CSMD3: variants seen among roughly 807,000 people sequenced by gnomAD.
CSMD3 encodes CUB and Sushi multiple domains 3.
CSMD3 carries 177 observed loss-of-function variants against 435.2 expected under a neutral mutation model. That is an observed-to-expected ratio of 0.41 (90% CI 0.36 to 0.46). The LOEUF (loss-of-function observed/expected upper bound fraction) is 0.46. Ranked by LOEUF, CSMD3 falls within the 20% of genes least tolerant of loss-of-function variation. The probability of loss-of-function intolerance (pLI) is 0.34; values close to 1 mark genes in which losing one functional copy is unlikely to be tolerated. For missense variants in CSMD3, 4,265 were observed against 4,504.6 expected (o/e 0.95, Z 1.52); for synonymous variants, 1,656 against 1,520.5 (o/e 1.09, Z -2.07).
At chr8:113,351,700 T>TTGCTA (rs2094191546) in intron 1 of CSMD3, among the ~76,000 whole-genome samples, 1 of 152,134 alleles carries the variant, frequency 6.6e-6, no homozygotes, top group Non-Finnish European at 1.5e-5. Context: ...TTGCAGATAT[T>TTGCTA]ATCTAGTTTA....
rs1296619138 is a variant in CSMD3 at position 112,231,095 on chromosome 8, C to T, written c.10828+450G>A. On this transcript the variant is annotated intron_variant, in intron 69 of 70. Coordinates refer to ENST00000297405, the MANE Select transcript of CSMD3 (RefSeq NM_198123.2). ...AGAGAACCAAGTCCCCAAAAGGGGC[C>T]CATTCCTCAAAGTTATTTTCTCTTT... 2.0e-5 allele frequency among the ~76,000 whole-genome samples: 3 copies of T among 152,250 alleles called. No individual in the cohort carries two copies. In the East Asian group the frequency reaches 5.8e-4, roughly 29 times the overall value.
At chr8:112,866,084 G>C (rs1407121103) in intron 10 of CSMD3, among the ~76,000 whole-genome samples, 1 of 152,150 alleles carries the variant, frequency 6.6e-6, no homozygotes, top group Non-Finnish European at 1.5e-5. Flanking sequence ...TAGGGTTGTT[G>C]AAAGATTTCT....
At chr8:112,373,169 T>C (rs1828603887) in intron 38 of CSMD3, among the ~76,000 whole-genome samples, 1 of 152,022 alleles carries the variant, frequency 6.6e-6, no homozygotes, top group South Asian at 2.1e-4. Context: ...AGGAATATAG[T>C]AAGAGTCTAC....
Position 113,386,147 on chromosome 8 carries a change from T to C in CSMD3, c.178+50530A>G, listed in dbSNP as rs552580447. ...AATGTTTTGGAAAAGCCCAAATATA[T>C]GGAAATGCAGGAGAAGATGTGCCAG... is the stretch of plus-strand genomic sequence containing the variant. On this transcript the variant is annotated intron_variant, in intron 1 of 70. Coordinates refer to ENST00000297405, the MANE Select transcript of CSMD3 (RefSeq NM_198123.2). Among the ~76,000 whole-genome samples the C allele has an allele frequency of 2.0e-5, 3 of 152,132 alleles. No individual in the cohort carries two copies. In the East Asian group the frequency reaches 5.8e-4, roughly 29 times the overall value.
chr8:113,000,269 G>T (rs1164013110), intron 6 of CSMD3, among the ~76,000 whole-genome samples: 1 of 151,958 alleles, frequency 6.6e-6, no homozygotes. Flanking sequence ...AAATCATAGG[G>T]GTGAAAATGG....
intron 1 of CSMD3, among the ~76,000 whole-genome samples, chr8:113,385,816 A>C (rs775514121): frequency 2.0e-5 from 3 of 152,068 alleles, no homozygotes; most frequent in Non-Finnish European, 4.4e-5. Flanking sequence ...AGAAATTGGA[A>C]AACACTAAGA....
chr8:112,365,591 T>G (rs1047317360), intron 38 of CSMD3, among the ~76,000 whole-genome samples: 3 of 150,072 alleles, frequency 2.0e-5, no homozygotes, highest in African/African-American at 4.9e-5. Flanking sequence ...AATTCCCCTA[T>G]CAGAGCAACA....
chr8:113,160,179 TG>T (rs751681196), intron 4 of CSMD3, among the ~76,000 whole-genome samples: 1 of 151,998 alleles, frequency 6.6e-6, no homozygotes. Flanking sequence ...TATGTATGTA[TG>T]ACTTTGTAAC....
intron 59 of CSMD3, among the ~76,000 whole-genome samples, chr8:112,274,925 G>T (rs1402931676): frequency 6.6e-6 from 1 of 152,084 alleles, no homozygotes; most frequent in Non-Finnish European, 1.5e-5. Flanking sequence ...GTTTAACTAC[G>T]CTGCGTGGTG....
intron 3 of CSMD3, among the ~76,000 whole-genome samples, chr8:113,270,360 C>A (rs534444017): frequency 7.3e-4 from 111 of 151,632 alleles, no homozygotes; most frequent in African/African-American, 2.5e-3. Context: ...AAGAGGAACA[C>A]TTTTACACTG....
At chr8:112,287,585 C>T (rs1819335653) in intron 57 of CSMD3, among the ~76,000 whole-genome samples, 1 of 152,058 alleles carries the variant, frequency 6.6e-6, no homozygotes, top group African/African-American at 2.4e-5. Context: ...TGACAACAGA[C>T]TCATAAAACC....
At chr8:112,661,573 T>G (rs541112284) in intron 17 of CSMD3, among the ~76,000 whole-genome samples, 1 of 152,290 alleles carries the variant, frequency 6.6e-6, no homozygotes, top group South Asian at 2.1e-4. Flanking sequence ...ACTAGGTGTT[T>G]ATTTATTTAA....
chr8:112,258,079 CG>C (rs1563698368), intron 61 of CSMD3, among the ~76,000 whole-genome samples: 1 of 151,996 alleles, frequency 6.6e-6, no homozygotes, highest in African/African-American at 2.4e-5. Context: ...GTGAGCCATA[CG>C]CAGAAAACTG....
intron 13 of CSMD3, among the ~76,000 whole-genome samples, chr8:112,708,332 A>G (rs2076541272): frequency 6.6e-6 from 1 of 152,128 alleles, no homozygotes; most frequent in South Asian, 2.1e-4. Context: ...AATGTCTTAC[A>G]TCTGGTTATA....
chr8:113,340,768 C>A (rs541614495), intron 1 of CSMD3, among the ~76,000 whole-genome samples: 1 of 151,782 alleles, frequency 6.6e-6, no homozygotes, highest in East Asian at 1.9e-4. Flanking sequence ...ACTCAGGAGG[C>A]TAAGGCATGA....
intron 1 of CSMD3, among the ~76,000 whole-genome samples, chr8:113,401,255 A>G (rs2094508768): frequency 6.6e-6 from 1 of 151,742 alleles, no homozygotes; most frequent in Admixed American, 6.6e-5. Flanking sequence ...TATTTCCTTT[A>G]TAATACATGG....
chr8:112,721,060 T>C (rs902943114), intron 13 of CSMD3, among the ~76,000 whole-genome samples: 2 of 152,136 alleles, frequency 1.3e-5, no homozygotes, highest in African/African-American at 4.8e-5. Context: ...TTAGTGTCCA[T>C]ATATATGGTT....
At chr8:112,953,675 T>TC (rs1201441954) in intron 8 of CSMD3, among the ~76,000 whole-genome samples, 10 of 151,498 alleles carry the variant, frequency 6.6e-5, no homozygotes, top group African/African-American at 2.4e-4. Context: ...ATAATTGATA[T>TC]AACTGCTCAA....
chr8:113,136,588 C>T (rs113883109), intron 4 of CSMD3, among the ~76,000 whole-genome samples: 11 of 151,666 alleles, frequency 7.3e-5, no homozygotes, highest in East Asian at 2.0e-4. Context: ...TAAATGATCA[C>T]GGCGACATAG....
Sources: gnomAD v4.1 joint callset for allele counts (sites outside exome capture counted in the v4.1 genomes callset) on GRCh38, gnomAD v4.1.1 for gene constraint, MANE v1.5 for transcripts, NCBI Gene and HGNC (gene_info 2026-07-23, HGNC 2026-07-21) for gene names.